Variants in ROBO2 observed in about 807,000 individuals in gnomAD.
The protein encoded by ROBO2 is roundabout guidance receptor 2, also known as roundabout homolog 2.
In ROBO2, 53 loss-of-function variants were observed where a neutral mutation model predicts 160.8. The observed-to-expected ratio is 0.33, with a 90% confidence interval of 0.26 to 0.41. The LOEUF (loss-of-function observed/expected upper bound fraction) is 0.41, where lower values mean the gene tolerates loss of function less well. Ranked by LOEUF, ROBO2 falls within the 10% of genes least tolerant of loss-of-function variation. The pLI, the probability that ROBO2 is intolerant of heterozygous loss-of-function variation, is 1.00. For synonymous variants in ROBO2, 664 were observed against 611.7 expected (o/e 1.09, Z -1.26); for missense variants, 1,577 against 1,722.4 (o/e 0.92, Z 1.49).
chr3:76,125,491 C>T (rs2070935925), intron 2 of ROBO2, among the ~76,000 whole-genome samples: 1 of 152,142 alleles, frequency 6.6e-6, no homozygotes, highest in African/African-American at 2.4e-5. Flanking sequence ...CTTTTCTTGG[C>T]AGCCTCACCA....
At chr3:77,646,422 T>C (rs577055438) in exon 26 of ROBO2, 43 of 192,976 alleles carry the variant, frequency 2.2e-4, no homozygotes, top group African/African-American at 9.7e-4. Flanking sequence ...TTGTACTATA[T>C]GTGAATTAAT....
At chr3:76,157,239 A>T (rs550811617) in intron 2 of ROBO2, among the ~76,000 whole-genome samples, 2 of 152,228 alleles carry the variant, frequency 1.3e-5, no homozygotes, top group African/African-American at 4.8e-5. Context: ...TGATTATTTG[A>T]ACCTTCTAAC....
chr3:76,433,799 G>T (rs1295147594), intron 2 of ROBO2, among the ~76,000 whole-genome samples: 1 of 152,152 alleles, frequency 6.6e-6, no homozygotes, highest in African/African-American at 2.4e-5. Context: ...CGATTGAGTT[G>T]AACCATTTTA....
At chr3:76,333,611 G>A (rs973247860) in intron 2 of ROBO2, among the ~76,000 whole-genome samples, 19 of 152,188 alleles carry the variant, frequency 1.2e-4, no homozygotes, top group African/African-American at 4.1e-4. Flanking sequence ...AACCAGAATG[G>A]CACTTTTGTT....
At chr3:77,244,887 A>AG (rs1245456060) in intron 2 of ROBO2, among the ~76,000 whole-genome samples, 1 of 151,020 alleles carries the variant, frequency 6.6e-6, no homozygotes, top group African/African-American at 2.4e-5. Flanking sequence ...CAAAAAAAAA[A>AG]AAAAGAAAAA....
intron 2 of ROBO2, among the ~76,000 whole-genome samples, chr3:76,253,754 G>A (rs1706184196): frequency 6.6e-6 from 1 of 151,174 alleles, no homozygotes; most frequent in Admixed American, 6.6e-5. Context: ...ATTGGAATAA[G>A]AAAATCAAGT....
At chr3:76,906,667 A>G (rs1222675499) in intron 2 of ROBO2, among the ~76,000 whole-genome samples, 1 of 152,116 alleles carries the variant, frequency 6.6e-6, no homozygotes, top group Non-Finnish European at 1.5e-5. Flanking sequence ...CCTGCTCAGG[A>G]CACAGAAAGT....
intron 5 of ROBO2, among the ~76,000 whole-genome samples, chr3:77,512,206 T>C (rs1406400403): frequency 1.3e-5 from 2 of 151,922 alleles, no homozygotes; most frequent in Non-Finnish European, 2.9e-5. Flanking sequence ...ATATTGAAGA[T>C]TAAGAAAGCA....
intron 23 of ROBO2, among the ~76,000 whole-genome samples, chr3:77,625,543 G>A (rs1583359200): frequency 1.3e-5 from 2 of 151,800 alleles, no homozygotes; most frequent in Admixed American, 1.3e-4. Context: ...ATGCCCAGCT[G>A]ATTTTTGTAT....
At chr3:76,446,692 G>A (rs1197039735) in intron 2 of ROBO2, among the ~76,000 whole-genome samples, 1 of 152,098 alleles carries the variant, frequency 6.6e-6, no homozygotes, top group African/African-American at 2.4e-5. Flanking sequence ...CCAAAACAGA[G>A]ATATAGACCA....
chr3:77,450,891 A>G (rs2081047148), intron 2 of ROBO2, among the ~76,000 whole-genome samples: 4 of 151,978 alleles, frequency 2.6e-5, no homozygotes. Context: ...ATTAATTAAA[A>G]TTCGGAGTAT....
intron 2 of ROBO2, among the ~76,000 whole-genome samples, chr3:75,957,512 G>A (rs1297813556): frequency 6.7e-6 from 1 of 150,096 alleles, no homozygotes; most frequent in Non-Finnish European, 1.5e-5. Flanking sequence ...TTTAATAGAA[G>A]GTTTTTTTTT....
intron 2 of ROBO2, among the ~76,000 whole-genome samples, chr3:77,308,057 A>G (rs1017040205): frequency 6.6e-6 from 1 of 151,996 alleles, no homozygotes; most frequent in Non-Finnish European, 1.5e-5. Context: ...AAATATTGAC[A>G]ATATATGAGT....
intron 2 of ROBO2, among the ~76,000 whole-genome samples, chr3:77,284,065 A>T (rs1427379610): frequency 3.3e-5 from 5 of 152,168 alleles, no homozygotes; most frequent in African/African-American, 1.2e-4. Flanking sequence ...GTCAGAAAAC[A>T]ACAACAGCTA....
intron 2 of ROBO2, among the ~76,000 whole-genome samples, chr3:76,230,953 A>G (rs781402131): frequency 5.9e-5 from 9 of 152,176 alleles, no homozygotes; most frequent in Non-Finnish European, 1.2e-4. Context: ...TAATGAATCT[A>G]CAGGCCGGAG....
At chr3:75,949,237 T>G (rs1576266827) in intron 2 of ROBO2, among the ~76,000 whole-genome samples, 1 of 152,130 alleles carries the variant, frequency 6.6e-6, no homozygotes, top group East Asian at 1.9e-4. Flanking sequence ...TCACCATTTC[T>G]GCCTCATCTC....
chr3:76,014,437 C>T (rs1201474919), intron 2 of ROBO2, among the ~76,000 whole-genome samples: 1 of 151,210 alleles, frequency 6.6e-6, no homozygotes, highest in African/African-American at 2.4e-5. Context: ...TGCATGTAAT[C>T]CCAGAAGTAA....
At chr3:75,928,007 C>A (rs1336355138) in intron 1 of ROBO2, among the ~76,000 whole-genome samples, 1 of 107,524 alleles carries the variant, frequency 9.3e-6, no homozygotes, top group African/African-American at 3.7e-5. Context: ...TTTTTTGAGA[C>A]GGAGTCTCTC....
At chr3:76,170,509 T>G (rs1009725807) in intron 2 of ROBO2, among the ~76,000 whole-genome samples, 1 of 152,128 alleles carries the variant, frequency 6.6e-6, no homozygotes, top group Non-Finnish European at 1.5e-5. Flanking sequence ...GGCCAATAAT[T>G]TTATACTACG....
Sources: gnomAD v4.1 joint callset for allele counts (sites outside exome capture counted in the v4.1 genomes callset) on GRCh38, gnomAD v4.1.1 for gene constraint, MANE v1.5 for transcripts, NCBI Gene and HGNC (gene_info 2026-07-23, HGNC 2026-07-21) for gene names.